The following CACNA1B variants were observed in gnomAD, a reference collection of about 807,000 sequenced individuals.
CACNA1B encodes the protein calcium voltage-gated channel subunit alpha1 B.
In CACNA1B, 70 loss-of-function variants were observed where a neutral mutation model predicts 247.2. The observed-to-expected ratio is 0.28, with a 90% CI of 0.23 to 0.35. CACNA1B has a LOEUF of 0.35. Among genes scored for constraint, CACNA1B ranks in the 10% least tolerant of loss-of-function variants. The pLI, the probability that CACNA1B is intolerant of heterozygous loss-of-function variation, is 1.00. For missense variants in CACNA1B, 2,367 were observed against 3,197.4 expected (o/e 0.74, Z 6.26); for synonymous variants, 1,231 against 1,294.4 (o/e 0.95, Z 1.05).
At chr9:138,063,073 T>C (rs1288030698) in intron 31 of CACNA1B, among the ~76,000 whole-genome samples, 1 of 152,206 alleles carries the variant, frequency 6.6e-6, no homozygotes, top group African/African-American at 2.4e-5. Context: ...TGCTCTGGAG[T>C]GCGTCAGGGC....
chr9:137,917,797 T>A lies in CACNA1B; in HGVS notation c.966+366T>A, dbSNP rs1185915442. 1.3e-5 allele frequency among the ~76,000 whole-genome samples: 2 copies of A among 152,242 alleles called. No homozygotes were observed. The highest frequency in any genetic ancestry group is 3.8e-4 in the East Asian group (2 of 5,196). On this transcript the variant is annotated intron_variant, in intron 6 of 46. Coordinates refer to ENST00000371372, the MANE Select transcript of CACNA1B (RefSeq NM_000718.4). The surrounding 1 kb of genome is among the most constrained non-coding windows in gnomAD (Gnocchi z 5.5). ...GCTCTGGGTTAGGCCCTCTGGGAAG[T>A]GTTTTATTCCTGTTGACTCCTCTCA...
intron 20 of CACNA1B, 55 bp downstream of exon 20, chr9:138,025,227 C>T: frequency 8.2e-7 from 1 of 1,212,332 alleles, no homozygotes; most frequent in Non-Finnish European, 1.2e-6. Flanking sequence ...GGTCCAGCAA[C>T]CCCCATTCCC....
intron 20 of CACNA1B, among the ~76,000 whole-genome samples, chr9:138,041,170 A>G (rs7859352): frequency 0.36 from 55,341 of 152,094 alleles, 14,401 homozygotes; most frequent in African/African-American, 0.72. Context: ...CTGCCAGTCC[A>G]GGCTTACTTT....
Position 138,036,374 on chromosome 9 carries a change from C to T in CACNA1B, c.3287-7400C>T, listed in dbSNP as rs562602796. On this transcript the variant is annotated intron_variant, in intron 20 of 46. Coordinates refer to ENST00000371372, the MANE Select transcript of CACNA1B (RefSeq NM_000718.4). The stretch of plus-strand genomic sequence containing the variant: ...CAAGATGGTCTCGATCTCCTGACCT[C>T]GTGATCTGCCTGCCTCGGCCTCCCA... Among the ~76,000 whole-genome samples, 7 of 152,306 alleles carry T rather than the reference C, an allele frequency of 4.6e-5. No individual in the cohort carries two copies. The South Asian group carries it at 6.2e-4, about 14-fold the overall frequency.
chr9:138,055,480 C>T, intron 26 of CACNA1B, among the ~76,000 whole-genome samples: 1 of 152,082 alleles, frequency 6.6e-6, no homozygotes, highest in Non-Finnish European at 1.5e-5. Context: ...TTCTTTTATG[C>T]TGAGTACTCT....
chr9:137,975,767 C>T, intron 11 of CACNA1B, 140 bp from the exon 12 acceptor site: 1 of 678,794 alleles, frequency 1.5e-6, no homozygotes, highest in Non-Finnish European at 2.7e-6. Context: ...TAGGCTGAGA[C>T]TTCAGAGCAT....
At chr9:137,978,423 G>C (rs940520269) in intron 12 of CACNA1B, among the ~76,000 whole-genome samples, 28 of 148,352 alleles carry the variant, frequency 1.9e-4, no homozygotes, top group African/African-American at 6.7e-4. Context: ...AGGAGTGACA[G>C]GTGGGAGCAC....
chr9:137,971,696 AC>A lies in CACNA1B; in HGVS notation c.1543+109del. ...GGCTACCCCAGGTGGGACGGGACCC[AC>A]CCCCATGTTGCTCAAAGTATCCCAC... On this transcript the variant is annotated intron_variant, in intron 11 of 46. Coordinates refer to ENST00000371372, the MANE Select transcript of CACNA1B (RefSeq NM_000718.4). This position sits in a 1 kb window ranked among gnomAD's most constrained non-coding sequence, Gnocchi z 4.4. The A allele has an allele frequency of 3.2e-6, 3 of 932,552 alleles. No homozygotes were observed. Among genetic ancestry groups the A allele is most frequent in the Non-Finnish European group, 4.9e-6 (3 of 609,792 alleles). The allele number at this position is 932,552 out of a possible 1,614,324, so 57.8% of individuals were successfully genotyped here. A position where few individuals can be genotyped will look rare whatever the true frequency, so the allele number is the denominator to read the frequency against.
rs748222308 is a variant in CACNA1B at position 138,059,194 on chromosome 9, G to T, written c.4584+5G>T. ...ATCATCGCCTTTGGGGTGCTGGTAC[G>T]TGCTTTGGTCCCTGCTTTGCCTTTT... On this transcript the variant is annotated splice_donor_5th_base_variant and intron_variant, in intron 30 of 46. Transcript: ENST00000371372. The surrounding 1 kb of genome is among the most constrained non-coding windows in gnomAD (Gnocchi z 4.2). The T allele has an allele frequency of 1.3e-6, 2 of 1,568,488 alleles. No homozygotes were observed. The highest frequency in any genetic ancestry group is 3.3e-5 in the Admixed American group (2 of 59,772).
intron 38 of CACNA1B, among the ~76,000 whole-genome samples, chr9:138,103,991 A>G (rs1406059942): frequency 6.6e-6 from 1 of 152,172 alleles, no homozygotes; most frequent in East Asian, 1.9e-4. Flanking sequence ...TGTCCCCAAG[A>G]AGGAGAGCTC....
chr9:138,083,490 C>G (rs1361572595), intron 36 of CACNA1B, among the ~76,000 whole-genome samples: 3 of 150,808 alleles, frequency 2.0e-5, no homozygotes, highest in Non-Finnish European at 4.4e-5. Context: ...GAAGCAGTTC[C>G]CTGCATCCCA....
chr9:138,091,694 TA>T (rs760569402), intron 36 of CACNA1B, among the ~76,000 whole-genome samples: 3 of 151,892 alleles, frequency 2.0e-5, no homozygotes, highest in African/African-American at 7.3e-5. Context: ...ACATGTCAAT[TA>T]AAAAAATAAT....
chr9:137,893,485 C>T (rs555946619), intron 3 of CACNA1B, among the ~76,000 whole-genome samples: 1 of 151,428 alleles, frequency 6.6e-6, no homozygotes, highest in Non-Finnish European at 1.5e-5. Flanking sequence ...CCCATCTCTA[C>T]TAAAAATACA....
At position 137,965,451 on chromosome 9, in the gene CACNA1B, C is replaced by T. The variant is rs141455790; in HGVS notation, c.1334-5932C>T. On this transcript the variant is annotated intron_variant, in intron 10 of 46. Coordinates refer to ENST00000371372, the MANE Select transcript of CACNA1B (RefSeq NM_000718.4). ...ATCCCAGCAGTTTGAGAGGCTGAGG[C>T]CAGAAGATTGCTTGAGGCCAGGAGT... 2.8e-4 allele frequency among the ~76,000 whole-genome samples: 42 copies of T among 152,308 alleles called. No individual in the cohort carries two copies. The East Asian group carries it at 8.1e-3, about 29-fold the overall frequency.
chr9:137,916,030 AT>A (rs571447142), intron 5 of CACNA1B, among the ~76,000 whole-genome samples: 3,269 of 129,532 alleles, frequency 0.025, 53 homozygotes, highest in African/African-American at 0.083. Flanking sequence ...TTGTTATACA[AT>A]TTTTTTTTTT....
intron 10 of CACNA1B, among the ~76,000 whole-genome samples, chr9:137,969,810 G>A (rs185334961): frequency 6.6e-6 from 1 of 152,184 alleles, no homozygotes; most frequent in Non-Finnish European, 1.5e-5. Context: ...GTGTGGGCTT[G>A]TTCTGTGCAC....
chr9:137,992,713 A>T (rs9969853), intron 15 of CACNA1B, among the ~76,000 whole-genome samples: 3 of 152,106 alleles, frequency 2.0e-5, no homozygotes, highest in African/African-American at 2.4e-5. Context: ...CGGGAAATTT[A>T]AAAAAATCTA....
intron 37 of CACNA1B, among the ~76,000 whole-genome samples, chr9:138,099,337 A>G (rs1419025087): frequency 6.6e-6 from 1 of 152,218 alleles, no homozygotes; most frequent in Non-Finnish European, 1.5e-5. Flanking sequence ...GATTGTATAT[A>G]TGTGTGCCTG....
intron 37 of CACNA1B, among the ~76,000 whole-genome samples, chr9:138,099,173 CGT>C (rs1051471102): frequency 1.3e-5 from 2 of 152,126 alleles, no homozygotes; most frequent in African/African-American, 4.8e-5. Flanking sequence ...GTGTTGTGTG[CGT>C]GTTTGCACAG....
Sources: allele counts gnomAD v4.1 joint callset (sites outside exome capture counted in the v4.1 genomes callset), GRCh38; gene constraint gnomAD v4.1.1; non-coding constraint Gnocchi (gnomAD v3.1); transcripts MANE v1.5; gene names NCBI Gene and HGNC (gene_info 2026-07-23, HGNC 2026-07-21).